The following BCAS3 variants were observed in gnomAD, a reference collection of about 807,000 sequenced individuals.
BCAS3 encodes BCAS3 microtubule associated cell migration factor.
A neutral mutation model predicts 116.1 loss-of-function variants in BCAS3; 53 were observed. That is an observed-to-expected ratio of 0.46 (90% CI 0.37 to 0.57). The LOEUF is 0.57. BCAS3 is among the 20% of genes least tolerant of loss of function. The pLI is 0.00. For synonymous variants in BCAS3, 391 were observed against 408.2 expected, an observed-to-expected ratio of 0.96 and a Z score of 0.51; for missense variants, 917 against 1,165.4, an observed-to-expected ratio of 0.79 and a Z score of 3.10.
intron 22 of BCAS3, among the ~76,000 whole-genome samples, chr17:61,154,939 G>A (rs1310680878): frequency 6.6e-6 from 1 of 151,334 alleles, no homozygotes; most frequent in Non-Finnish European, 1.5e-5. Flanking sequence ...GGTGGGGGGT[G>A]TTTGGCTTGC....
At chr17:61,359,231 T>C (rs1295081225) in intron 22 of BCAS3, among the ~76,000 whole-genome samples, 1 of 152,210 alleles carries the variant, frequency 6.6e-6, no homozygotes, top group Non-Finnish European at 1.5e-5. Context: ...GAAGAGCTGC[T>C]TACAGAGCCC....
intron 19 of BCAS3, among the ~76,000 whole-genome samples, chr17:61,067,736 A>AT (rs1285770723): frequency 3.9e-4 from 52 of 131,990 alleles, no homozygotes; most frequent in African/African-American, 1.9e-3. Context: ...CAAAAAAAAA[A>AT]AAAAATATAT....
At chr17:60,772,042 A>C (rs1266510909) in intron 6 of BCAS3, among the ~76,000 whole-genome samples, 1 of 152,206 alleles carries the variant, frequency 6.6e-6, no homozygotes, top group Admixed American at 6.5e-5. Context: ...TTATAGCAGC[A>C]TGATTTATAA....
rs536422469 is a variant in BCAS3, at chr17:61,063,283, T to G, written c.2030-11637T>G. 9.3e-4 allele frequency among the ~76,000 whole-genome samples: 142 copies of G among 152,060 alleles called. No homozygotes were observed. Among genetic ancestry groups the G allele is most frequent in the Admixed American group, 2.0e-3 (31 of 15,272 alleles). On this transcript the variant is annotated intron_variant, in intron 19 of 23. Transcript: ENST00000407086. This position sits in a 1 kb window ranked among gnomAD's most constrained non-coding sequence, Gnocchi z 5.3. Reference sequence around the variant, plus strand: ...TGTTTTTTTGTTGTTTTGGTTTTTTTTTTTGAGGCAGAGTCTTGCTCTGTC... The same window carrying G: ...TGTTTTTTTGTTGTTTTGGTTTTTTGTTTTGAGGCAGAGTCTTGCTCTGTC...
In BCAS3 at chr17:60,844,388, T is replaced by G. The variant is rs572835286; in HGVS notation, c.477-24188T>G. ...CTTAAGATTCATTGTTACTTCCATA[T>G]TGCTCAAAATAATTTCATTGGTGTT... is the stretch of plus-strand genomic sequence containing the variant. On this transcript the variant is annotated intron_variant, in intron 7 of 23. Coordinates refer to ENST00000407086, the MANE Select transcript of BCAS3 (RefSeq NM_017679.5). Among the ~76,000 whole-genome samples, 4 of 152,354 alleles carry G rather than the reference T, an allele frequency of 2.6e-5. No homozygotes were observed. In the South Asian group the frequency reaches 8.3e-4, roughly 32 times the overall value.
At chr17:61,100,992 C>T (rs1046782296) in intron 22 of BCAS3, among the ~76,000 whole-genome samples, 1 of 152,030 alleles carries the variant, frequency 6.6e-6, no homozygotes, top group Non-Finnish European at 1.5e-5. Flanking sequence ...TTTTCCCGGA[C>T]CTTGAACAGC....
rs751597697 is a variant in BCAS3, at chr17:61,367,038, G to A, written c.2426-1289G>A. 1.3e-5 allele frequency among the ~76,000 whole-genome samples: 2 copies of A among 152,210 alleles called. No homozygotes were observed. Among genetic ancestry groups the A allele is most frequent in the Non-Finnish European group, 2.9e-5 (2 of 68,042 alleles). On this transcript the variant is annotated intron_variant, in intron 22 of 23. Coordinates refer to ENST00000407086, the MANE Select transcript of BCAS3 (RefSeq NM_017679.5). This position sits in a 1 kb window ranked among gnomAD's most constrained non-coding sequence, Gnocchi z 6.2. Reference sequence around the variant, plus strand: ...GGACCGCCTGCCGAGGCTGGGGCTCGCACCCTCTCTATTACCACCTGTCAT... The same window carrying A: ...GGACCGCCTGCCGAGGCTGGGGCTCACACCCTCTCTATTACCACCTGTCAT...
chr17:60,710,917 A>C (rs2037837388), intron 5 of BCAS3, among the ~76,000 whole-genome samples: 1 of 149,766 alleles, frequency 6.7e-6, no homozygotes, highest in South Asian at 2.1e-4. Context: ...ATCCTCCCAC[A>C]TCAGCCTCTG....
chr17:61,237,150 T>C (rs1291152128), intron 22 of BCAS3, among the ~76,000 whole-genome samples: 1 of 152,192 alleles, frequency 6.6e-6, no homozygotes, highest in Admixed American at 6.5e-5. Flanking sequence ...TGGAGAACTT[T>C]TCTGTCTTAC....
Position 61,004,071 on chromosome 17 carries a change from A to G in BCAS3, c.1487-11680A>G, listed in dbSNP as rs2064474106. ...TTTTCAAGGAGTTGAAGGAGTTAAC[A>G]TTATTTTTGTCTAGTGATTAGAATA... On this transcript the variant is annotated intron_variant, in intron 15 of 23. Transcript: ENST00000407086. The surrounding 1 kb of genome is among the most constrained non-coding windows in gnomAD (Gnocchi z 4.8). Among the ~76,000 whole-genome samples the G allele has an allele frequency of 6.6e-6, 1 of 152,168 alleles. No individual in the cohort carries two copies.
At chr17:60,979,230 G>A (rs2062628717) in intron 14 of BCAS3, among the ~76,000 whole-genome samples, 1 of 150,950 alleles carries the variant, frequency 6.6e-6, no homozygotes, top group Admixed American at 6.6e-5. Context: ...TCCCTTGTAA[G>A]TTGTATTCCT....
chr17:60,953,191 A>G (rs1410073968), intron 14 of BCAS3, among the ~76,000 whole-genome samples: 2 of 152,180 alleles, frequency 1.3e-5, no homozygotes, highest in African/African-American at 4.8e-5. Flanking sequence ...AGGAATTGCC[A>G]CACGGCTTTC....
At position 61,392,050 on chromosome 17, in the gene BCAS3, CTT is replaced by C; in HGVS notation, c.2669_2670del (p.Phe890Ter). On this transcript the variant is annotated frameshift_variant, in exon 24 of 24. Transcript: ENST00000407086. LOFTEE classifies it high-confidence loss of function. The surrounding 1 kb of genome is among the most constrained non-coding windows in gnomAD (Gnocchi z 6.4). ...GSTSGSIPRN[F>X]DGYRSPLPTN... ...CCACCAGCGGCAGCATACCAAGAAA[CTT>C]TGATGGCTACCGATCTCCGCTGCCC... 3 of 1,613,932 alleles carry C rather than the reference CTT, an allele frequency of 1.9e-6. No individual in the cohort carries two copies. Among genetic ancestry groups the C allele is most frequent in the African/African-American group, 1.3e-5 (1 of 75,046 alleles).
intron 22 of BCAS3, among the ~76,000 whole-genome samples, chr17:61,240,035 C>T (rs2047371833): frequency 6.6e-6 from 1 of 152,104 alleles, no homozygotes; most frequent in Non-Finnish European, 1.5e-5. Flanking sequence ...TTTACATTCT[C>T]CTGGTGACAG....
At chr17:61,052,792 C>T (rs1234075224) in intron 19 of BCAS3, among the ~76,000 whole-genome samples, 1 of 147,326 alleles carries the variant, frequency 6.8e-6, no homozygotes, top group East Asian at 2.0e-4. Flanking sequence ...GCTCTTGGCT[C>T]ACTACAACCT....
chr17:61,108,190 T>C (rs1000832683), intron 22 of BCAS3, among the ~76,000 whole-genome samples: 16 of 152,226 alleles, frequency 1.1e-4, no homozygotes, highest in Admixed American at 1.0e-3. Flanking sequence ...GGTAATTTTC[T>C]TTTCTCTAAA....
In BCAS3 at chr17:61,065,018, G is replaced by T. The variant is rs2070465276; in HGVS notation, c.2030-9902G>T. Among the ~76,000 whole-genome samples, 1 of 152,130 alleles carries T rather than the reference G, an allele frequency of 6.6e-6. No homozygotes were observed. Among genetic ancestry groups the T allele is most frequent in the Non-Finnish European group, 1.5e-5 (1 of 68,020 alleles). On this transcript the variant is annotated intron_variant, in intron 19 of 23. Transcript: ENST00000407086. The surrounding 1 kb of genome is among the most constrained non-coding windows in gnomAD (Gnocchi z 4.8). ...AATTGTCACATTTATAAATCAGTGT[G>T]AATTTAATACTACCCATTTTCAAGT...
Position 61,281,392 on chromosome 17 carries a change from AATTTAATT to A in BCAS3, c.2426-86927_2426-86920del, listed in dbSNP as rs2051233444. Among the ~76,000 whole-genome samples, 1 of 152,136 alleles carries A rather than the reference AATTTAATT, an allele frequency of 6.6e-6. No homozygotes were observed. Among genetic ancestry groups the A allele is most frequent in the Admixed American group, 6.5e-5 (1 of 15,274 alleles). On this transcript the variant is annotated intron_variant, in intron 22 of 23. Coordinates refer to ENST00000407086, the MANE Select transcript of BCAS3 (RefSeq NM_017679.5). The surrounding 1 kb of genome is among the most constrained non-coding windows in gnomAD (Gnocchi z 4.2). ...GATAAGTGACCTAGGAATTTTTTGT[AATTTAATT>A]ATTTAATGTCAAATTTTCCATCATA...
intron 15 of BCAS3, among the ~76,000 whole-genome samples, chr17:60,996,308 G>A (rs761643699): frequency 6.6e-6 from 1 of 152,166 alleles, no homozygotes; most frequent in Non-Finnish European, 1.5e-5. Flanking sequence ...AAAAAATCAG[G>A]CAAGAAAAGA....
Sources: gnomAD v4.1 joint callset for allele counts (sites outside exome capture counted in the v4.1 genomes callset) on GRCh38, gnomAD v4.1.1 for gene constraint, Gnocchi (gnomAD v3.1) non-coding constraint, MANE v1.5 for transcripts, NCBI Gene and HGNC (gene_info 2026-07-23, HGNC 2026-07-21) for gene names.